The following MTR variants were observed in gnomAD, a reference collection of about 807,000 sequenced individuals.
MTR encodes the protein 5-methyltetrahydrofolate-homocysteine methyltransferase.
In MTR, 84 loss-of-function variants were observed where a neutral mutation model predicts 154.8. The observed-to-expected ratio is 0.54, with a 90% CI of 0.45 to 0.65. The LOEUF (loss-of-function observed/expected upper bound fraction) is 0.65, where lower values mean the gene tolerates loss of function less well. Among genes scored for constraint, MTR ranks in the 30% least tolerant of loss-of-function variants. The probability of loss-of-function intolerance (pLI) is 0.00; values close to 1 mark genes in which losing one functional copy is unlikely to be tolerated. For missense variants in MTR, 1,275 were observed against 1,570.2 expected (o/e 0.81, Z 3.18); for synonymous variants, 554 against 553.9 (o/e 1.00, Z 0.00).
rs883395 is a variant in MTR, at chr1:236,833,075, G to A, written c.1188+997G>A. 4.1e-3 allele frequency among the ~76,000 whole-genome samples: 619 copies of A among 152,164 alleles called. 4 individuals are homozygous for A. Among genetic ancestry groups the A allele is most frequent in the African/African-American group, 0.014 (600 of 41,490 alleles). On this transcript the variant is annotated intron_variant, in intron 13 of 32. Transcript: ENST00000366577. Reference sequence around the variant, plus strand: ...CTGAAATTCCTTAGTCTGTCATTCCGTCCTCTTCACTTAGGTATTAAACTG... The same window carrying A: ...CTGAAATTCCTTAGTCTGTCATTCCATCCTCTTCACTTAGGTATTAAACTG...
Position 236,795,570 on chromosome 1 carries a change from G to A in MTR, c.-134G>A, listed in dbSNP as rs1390058414. 1.3e-5 allele frequency: 21 copies of A among 1,567,654 alleles called. No homozygotes were observed. The highest frequency in any genetic ancestry group is 1.7e-5 in the Non-Finnish European group (20 of 1,162,058). On this transcript the variant is annotated 5_prime_UTR_variant, in exon 1 of 33. Transcript: ENST00000366577. ...CAGTCCCCCCGCGACGCGAGCCAAC[G>A]GGAGGCGTCAAAAGACCCGGGCCTT...
Position 236,894,609 on chromosome 1 carries a change from G to A in MTR, c.3405+52G>A, listed in dbSNP as rs1448435921. 7 of 1,599,352 alleles carry A rather than the reference G, an allele frequency of 4.4e-6. No individual in the cohort carries two copies. In the Admixed American group the frequency reaches 5.0e-5, roughly 11 times the overall value. The stretch of plus-strand genomic sequence containing the variant: ...GCTGAGGACAGAGGCCAGGCAGTAG[G>A]GAGCCTGGGGTGGGTGCCTGAAGAC... On this transcript the variant is annotated intron_variant, in intron 30 of 32. Transcript: ENST00000366577.
chr1:236,813,466 C>T (rs4500304), intron 6 of MTR, among the ~76,000 whole-genome samples: 52,449 of 152,008 alleles, frequency 0.35, 9,814 homozygotes, highest in Admixed American at 0.41. Flanking sequence ...CCCTCATTTG[C>T]GACTGGACTC....
chr1:236,896,584 C>T (rs1666637157), intron 31 of MTR, among the ~76,000 whole-genome samples: 1 of 152,230 alleles, frequency 6.6e-6, no homozygotes, highest in Non-Finnish European at 1.5e-5. Context: ...TTGTGGGTTC[C>T]TTCTTCACTG....
At chr1:236,813,028 GA>G (rs1338638442) in intron 6 of MTR, among the ~76,000 whole-genome samples, 184 bp downstream of exon 6, 6 of 152,092 alleles carry the variant, frequency 3.9e-5, no homozygotes, top group Admixed American at 2.6e-4. Flanking sequence ...ACCTGCTTTT[GA>G]AGCTTTTAAA....
chr1:236,892,387 C>T (rs1558345383), intron 29 of MTR, among the ~76,000 whole-genome samples: 6 of 151,950 alleles, frequency 3.9e-5, no homozygotes, highest in Non-Finnish European at 5.9e-5. Flanking sequence ...GAGGATGAGG[C>T]GGGAGGATCA....
In MTR at chr1:236,803,419, T is replaced by G; in HGVS notation, c.35-9T>G. 6.2e-7 allele frequency: 1 copy of G among 1,613,586 alleles called. No homozygotes were observed. The highest frequency in any genetic ancestry group is 8.5e-7 in the Non-Finnish European group (1 of 1,179,582). ...ATTCTTTGAAGTCAAACTTTCACTT[T>G]CTTTAAAGAAGGTCTGAAGAAAACC... is the stretch of plus-strand genomic sequence containing the variant. On this transcript the variant is annotated splice_polypyrimidine_tract_variant and intron_variant, in intron 1 of 32. Coordinates refer to ENST00000366577, the MANE Select transcript of MTR (RefSeq NM_000254.3).
At chr1:236,831,341 T>C (rs1662599732) in intron 12 of MTR, among the ~76,000 whole-genome samples, 1 of 152,238 alleles carries the variant, frequency 6.6e-6, no homozygotes. Flanking sequence ...GATGTTATTA[T>C]GTTGGTGGAT....
At chr1:236,800,102 A>G in intron 1 of MTR, 3 of 985,386 alleles carry the variant, frequency 3.0e-6, no homozygotes, top group South Asian at 4.7e-5. Context: ...GAAAAGTACT[A>G]AGACTTTTTA....
At chr1:236,872,865 T>G (rs1396049787) in intron 22 of MTR, among the ~76,000 whole-genome samples, 1 of 151,980 alleles carries the variant, frequency 6.6e-6, no homozygotes. Flanking sequence ...TTAGCTGGGT[T>G]TAGTGGGGCA....
At position 236,891,240 on chromosome 1, in the gene MTR, A is replaced by G; in HGVS notation, c.3115A>G (p.Ser1039Gly). Residue 1039 changes from serine (S) to glycine (G), a missense_variant, in exon 29 of 33, where the codon AGT (serine) becomes GGT (glycine). Physicochemically the swap from Ser to Gly is moderately conservative, Grantham distance 56. Transcript: ENST00000366577. Reference sequence around the variant, plus strand: ...TGTGGTTGGGTTCTGGCCAGCACAGAGTATCCAAGACGACATTCACCTGTA... The same window carrying G: ...TGTGGTTGGGTTCTGGCCAGCACAGGGTATCCAAGACGACATTCACCTGTA... ...RGVVGFWPAQ[S>G]IQDDIHLYAE... 1 of 1,614,156 alleles carries G rather than the reference A, an allele frequency of 6.2e-7. No homozygotes were observed. The highest frequency in any genetic ancestry group is 2.2e-5 in the East Asian group (1 of 44,878).
chr1:236,869,044 C>T (rs1011222049), intron 22 of MTR, among the ~76,000 whole-genome samples: 1 of 152,192 alleles, frequency 6.6e-6, no homozygotes, highest in African/African-American at 2.4e-5. Context: ...TGGATGGAAA[C>T]ACATGCCATC....
chr1:236,841,893 C>CTTTTTTTT, intron 15 of MTR, among the ~76,000 whole-genome samples: 1 of 139,916 alleles, frequency 7.1e-6, no homozygotes, highest in South Asian at 2.3e-4. Context: ...TATTCTAACT[C>CTTTTTTTT]TTTTTTTTTT....
intron 22 of MTR, among the ~76,000 whole-genome samples, chr1:236,863,779 A>G (rs1664682617): frequency 6.6e-6 from 1 of 152,348 alleles, no homozygotes. Flanking sequence ...CATAAAGAAT[A>G]GTAAAAGCTA....
rs1383449497 is a variant in MTR, at chr1:236,902,094, C to T, written c.*4450C>T. 1 of 152,354 alleles carries T rather than the reference C, an allele frequency of 6.6e-6. No homozygotes were observed. The highest frequency in any genetic ancestry group is 1.5e-5 in the Non-Finnish European group (1 of 68,222). 9.4% of individuals were successfully genotyped at this position (152,354 alleles called of 1,614,324 possible). A position where few individuals can be genotyped will look rare whatever the true frequency, so the allele number is the denominator to read the frequency against. ...GATTCTTTACACCCCCGCCTCAATC[C>T]TCCTGCTGCCTGAATAACCATCTCC... On this transcript the variant is annotated 3_prime_UTR_variant, in exon 33 of 33. Coordinates refer to ENST00000366577, the MANE Select transcript of MTR (RefSeq NM_000254.3).
chr1:236,810,144 T>C (rs181009348), intron 4 of MTR, among the ~76,000 whole-genome samples: 2 of 152,274 alleles, frequency 1.3e-5, no homozygotes, highest in East Asian at 3.9e-4. Flanking sequence ...TTTTAGTTAG[T>C]TGTGTGAGAA....
chr1:236,800,566 C>T (rs1264699218), intron 1 of MTR: 5 of 864,664 alleles, frequency 5.8e-6, no homozygotes, highest in Non-Finnish European at 6.9e-6. Flanking sequence ...TTCTTTCACT[C>T]GACTGTTAGA....
chr1:236,819,815 GGCGGCTTGT>G, intron 8 of MTR: 1 of 762,200 alleles, frequency 1.3e-6, no homozygotes, highest in Non-Finnish European at 2.4e-6. Context: ...AGCTACAGCT[GGCGGCTTGT>G]GCCATTGTTG....
chr1:236,873,666 T>A, intron 22 of MTR, 107 bp from the exon 23 acceptor site: 1 of 904,358 alleles, frequency 1.1e-6, no homozygotes, highest in Non-Finnish European at 1.8e-6. Flanking sequence ...AACTTGATTC[T>A]CGTTTACATT....
Sources: allele counts gnomAD v4.1 joint callset (sites outside exome capture counted in the v4.1 genomes callset), GRCh38; gene constraint gnomAD v4.1.1; transcripts MANE v1.5; gene names NCBI Gene and HGNC (gene_info 2026-07-23, HGNC 2026-07-21).